FAM76B: variants seen among roughly 807,000 people sequenced by gnomAD.
FAM76B encodes family with sequence similarity 76 member B.
In FAM76B, 16 loss-of-function variants were observed where a neutral mutation model predicts 51.8. The ratio of observed to expected loss-of-function variants is 0.31; its 90% confidence interval spans 0.21 to 0.47. The LOEUF (loss-of-function observed/expected upper bound fraction) is 0.47. FAM76B is among the 20% of genes least tolerant of loss of function. The pLI is 1.00. For synonymous variants in FAM76B, 166 were observed against 129.5 expected, an observed-to-expected ratio of 1.28 and a Z score of -1.91; for missense variants, 342 against 392.6, an observed-to-expected ratio of 0.87 and a Z score of 1.09.
intron 5 of FAM76B, among the ~76,000 whole-genome samples, chr11:95,780,945 G>GA (rs1360498887): frequency 6.6e-5 from 10 of 151,546 alleles, no homozygotes; most frequent in African/African-American, 2.2e-4. Context: ...TTAAGCAAAA[G>GA]AAAAAAACAA....
intron 5 of FAM76B, 75 bp downstream of exon 5, chr11:95,782,990 G>C: frequency 6.4e-7 from 1 of 1,560,676 alleles, no homozygotes; most frequent in South Asian, 1.2e-5. Flanking sequence ...GTCAATATTT[G>C]CAAGAAGTAA....
intron 5 of FAM76B, among the ~76,000 whole-genome samples, chr11:95,781,907 A>G (rs2120252495): frequency 6.6e-6 from 1 of 152,260 alleles, no homozygotes; most frequent in Admixed American, 6.5e-5. Context: ...GTTTACAACA[A>G]ATCTTACTAA....
At chr11:95,778,778 T>C (rs1288089516) in intron 8 of FAM76B, 44 bp downstream of exon 8, 1 of 1,533,344 alleles carries the variant, frequency 6.5e-7, no homozygotes, top group Non-Finnish European at 8.7e-7. Flanking sequence ...CAAGCAACAG[T>C]CAACACATAA....
Position 95,789,587 on chromosome 11 carries a change from C to G in FAM76B, c.-109G>C. On this transcript the variant is annotated 5_prime_UTR_variant, in exon 1 of 10. Transcript: ENST00000358780. ...CGCGGGCTCCTCCTCCTCCCCCTCC[C>G]CCTGCCTCGCGCCCACCAGGGCCTC... 1 of 941,880 alleles carries G rather than the reference C, an allele frequency of 1.1e-6. No individual in the cohort carries two copies. The highest frequency in any genetic ancestry group is 1.5e-6 in the Non-Finnish European group (1 of 648,192). 58.3% of individuals were successfully genotyped at this position (941,880 alleles called of 1,614,324 possible). A position where few individuals can be genotyped will look rare whatever the true frequency, so the allele number is the denominator to read the frequency against.
At chr11:95,789,052 G>A in intron 1 of FAM76B, 2 of 1,381,528 alleles carry the variant, frequency 1.4e-6, no homozygotes, top group African/African-American at 1.5e-5. Flanking sequence ...GACAGACCAG[G>A]CAGAAAACCG....
At chr11:95,788,781 T>C (rs1436029579) in intron 1 of FAM76B, 1 of 1,458,580 alleles carries the variant, frequency 6.9e-7, no homozygotes, top group African/African-American at 1.4e-5. Flanking sequence ...CGTGGGGGTA[T>C]ATTACAGACA....
chr11:95,777,694 A>C (rs982405037), intron 8 of FAM76B, among the ~76,000 whole-genome samples: 1 of 151,432 alleles, frequency 6.6e-6, no homozygotes, highest in Non-Finnish European at 1.5e-5. Flanking sequence ...AGTAAGCTAC[A>C]AATGTATTAA....
chr11:95,772,681 T>A (rs1479003297), intron 9 of FAM76B, among the ~76,000 whole-genome samples: 5 of 151,124 alleles, frequency 3.3e-5, no homozygotes, highest in Admixed American at 3.3e-4. Flanking sequence ...CAGACTTTTT[T>A]AATCTCAGTA....
At position 95,789,717 on chromosome 11, in the gene FAM76B, C is replaced by G; in HGVS notation, c.-239G>C. 1 of 489,612 alleles carries G rather than the reference C, an allele frequency of 2.0e-6. No individual in the cohort carries two copies. Among genetic ancestry groups the G allele is most frequent in the Non-Finnish European group, 3.6e-6 (1 of 279,760 alleles). 30.3% of individuals were successfully genotyped at this position (489,612 alleles called of 1,614,324 possible). On this transcript the variant is annotated 5_prime_UTR_variant, in exon 1 of 10. Coordinates refer to ENST00000358780, the MANE Select transcript of FAM76B (RefSeq NM_144664.5). ...CCGTGCCAGCCGCTCCCGCTTAGGC[C>G]CCGATAGCGGCGGAGGGAGACGAAG... is the stretch of plus-strand genomic sequence containing the variant.
chr11:95,783,103 ATGG>A lies in FAM76B; in HGVS notation c.522_524del (p.His180del), dbSNP rs1168913246. ...TGCTGTGACGATGGTGATGGTGATG[ATGG>A]TGGTGATGATGTTTTGGATGATGCT... On this transcript the variant is annotated inframe_deletion, in exon 5 of 10. Transcript: ENST00000358780. The A allele has an allele frequency of 2.0e-5, 32 of 1,613,116 alleles. No individual in the cohort carries two copies. The highest frequency in any genetic ancestry group is 2.7e-5 in the Non-Finnish European group (32 of 1,179,378).
chr11:95,778,762 G>T, intron 8 of FAM76B, 60 bp downstream of exon 8: 1 of 1,487,348 alleles, frequency 6.7e-7, no homozygotes, highest in Non-Finnish European at 8.9e-7. Context: ...TAAAATTTGC[G>T]ATTATCAAGC....
At chr11:95,779,987 A>T in intron 5 of FAM76B, 61 bp from the exon 6 acceptor site, 1 of 1,449,540 alleles carries the variant, frequency 6.9e-7, no homozygotes, top group Non-Finnish European at 9.4e-7. Flanking sequence ...ATCTAAATTT[A>T]ACATTCTTTC....
chr11:95,783,941 G>C (rs1268686854), intron 4 of FAM76B, among the ~76,000 whole-genome samples: 1 of 152,130 alleles, frequency 6.6e-6, no homozygotes, highest in Non-Finnish European at 1.5e-5. Context: ...TGTTTTTCAA[G>C]TTTTTATAGT....
chr11:95,789,159 G>A (rs1260199493), intron 1 of FAM76B: 8 of 1,160,680 alleles, frequency 6.9e-6, no homozygotes, highest in Non-Finnish European at 2.3e-6. Context: ...GACGGGGCCC[G>A]GCACCCTCCT....
In FAM76B at chr11:95,787,627, C is replaced by G; in HGVS notation, c.204G>C (p.Gly68=). The G allele has an allele frequency of 6.2e-7, 1 of 1,610,596 alleles. No homozygotes were observed. The highest frequency in any genetic ancestry group is 8.5e-7 in the Non-Finnish European group (1 of 1,177,772). The part of the protein sequence containing the change: ...KKCAQNVKQF[G]TPKPCQYCNI... Reference sequence around the variant, plus strand: ...TGAAAACATAAGACATACTTACCGTCCCAAATTGCTTCACATTTTGAGCAC... The same window carrying G: ...TGAAAACATAAGACATACTTACCGTGCCAAATTGCTTCACATTTTGAGCAC... Residue 68 remains glycine (G), a synonymous_variant, in exon 3 of 10, where the codon GGG becomes GGC. Coordinates refer to ENST00000358780, the MANE Select transcript of FAM76B (RefSeq NM_144664.5).
At chr11:95,789,260 G>A (rs1860832615) in intron 1 of FAM76B, 132 bp downstream of exon 1, 8 of 1,040,946 alleles carry the variant, frequency 7.7e-6, no homozygotes, top group East Asian at 5.2e-5. Flanking sequence ...GTCCCCGAGT[G>A]GGGAGGCGAG....
At chr11:95,779,767 A>C in intron 6 of FAM76B, 80 bp from the exon 7 acceptor site, 2 of 1,563,664 alleles carry the variant, frequency 1.3e-6, no homozygotes, top group Non-Finnish European at 1.7e-6. Context: ...CTTCCCCTAA[A>C]ATATTACTGA....
intron 4 of FAM76B, 142 bp from the exon 5 acceptor site, chr11:95,783,406 T>G: frequency 3.2e-6 from 2 of 624,810 alleles, no homozygotes; most frequent in Non-Finnish European, 5.3e-6. Context: ...ACGGATTTTC[T>G]GCAAAACAGA....
rs1409612507 is a variant in FAM76B at position 95,770,639 on chromosome 11, C to A, written c.*922G>T. The A allele has an allele frequency of 3.3e-5, 5 of 151,598 alleles. No homozygotes were observed. Among genetic ancestry groups the A allele is most frequent in the African/African-American group, 9.7e-5 (4 of 41,318 alleles). 9.4% of individuals were successfully genotyped at this position (151,598 alleles called of 1,614,324 possible). On this transcript the variant is annotated 3_prime_UTR_variant, in exon 10 of 10. Coordinates refer to ENST00000358780, the MANE Select transcript of FAM76B (RefSeq NM_144664.5). ...CTATTTTGACATAATTAAATGAATTCAAAGACCAACAGCTTCCCTTATCAC... is the reference window on the plus strand; with the variant it reads ...CTATTTTGACATAATTAAATGAATTAAAAGACCAACAGCTTCCCTTATCAC...
Sources: allele counts gnomAD v4.1 joint callset (sites outside exome capture counted in the v4.1 genomes callset), GRCh38; gene constraint gnomAD v4.1.1; transcripts MANE v1.5; gene names NCBI Gene and HGNC (gene_info 2026-07-23, HGNC 2026-07-21).